KCTD8: variants seen among roughly 807,000 people sequenced by gnomAD.
KCTD8 encodes the protein potassium channel tetramerization domain containing 8.
Under a neutral mutation model 31.5 loss-of-function variants are expected in KCTD8, and 27 were observed. That is an observed-to-expected ratio of 0.86 (90% CI 0.63 to 1.18). The LOEUF (loss-of-function observed/expected upper bound fraction) is 1.18, where lower values mean the gene tolerates loss of function less well. Ranked by LOEUF, KCTD8 falls within the 50% of genes most tolerant of loss-of-function variation. The pLI, the probability that KCTD8 is intolerant of heterozygous loss-of-function variation, is 0.00. For missense variants in KCTD8, 658 were observed against 647.7 expected, an observed-to-expected ratio of 1.02 and a Z score of -0.17; for synonymous variants, 290 against 280.0, an observed-to-expected ratio of 1.04 and a Z score of -0.36.
At chr4:44,306,771 A>T (rs1717817193) in intron 1 of KCTD8, among the ~76,000 whole-genome samples, 1 of 152,012 alleles carries the variant, frequency 6.6e-6, no homozygotes, top group African/African-American at 2.4e-5. Flanking sequence ...AAATTTTATT[A>T]AATTTGTAAG....
intron 1 of KCTD8, among the ~76,000 whole-genome samples, chr4:44,392,790 C>T (rs994239689): frequency 6.6e-6 from 1 of 151,934 alleles, no homozygotes; most frequent in Non-Finnish European, 1.5e-5. Flanking sequence ...ACGCAGAGAA[C>T]AGTCTAGCTT....
chr4:44,329,184 AAAC>A (rs941647472), intron 1 of KCTD8, among the ~76,000 whole-genome samples: 23 of 151,818 alleles, frequency 1.5e-4, no homozygotes, highest in African/African-American at 5.6e-4. Flanking sequence ...TTACGATAAA[AAAC>A]AACCTCGCTG....
chr4:44,297,158 A>AG (rs1373686691), intron 1 of KCTD8, among the ~76,000 whole-genome samples: 1 of 152,150 alleles, frequency 6.6e-6, no homozygotes, highest in African/African-American at 2.4e-5. Flanking sequence ...CAAAATACTA[A>AG]GTTAAAAAAA....
chr4:44,309,206 T>C (rs1271895128), intron 1 of KCTD8, among the ~76,000 whole-genome samples: 2 of 151,974 alleles, frequency 1.3e-5, no homozygotes, highest in East Asian at 3.9e-4. Flanking sequence ...TGGCTAATTT[T>C]TGTATTTTTT....
intron 1 of KCTD8, among the ~76,000 whole-genome samples, chr4:44,270,747 C>T (rs780017922): frequency 5.1e-4 from 77 of 151,984 alleles, no homozygotes; most frequent in Non-Finnish European, 9.4e-4. Flanking sequence ...CTTTACTTTA[C>T]GAAATGTATT....
At chr4:44,297,146 T>C (rs528103891) in intron 1 of KCTD8, among the ~76,000 whole-genome samples, 34 of 152,114 alleles carry the variant, frequency 2.2e-4, no homozygotes, top group African/African-American at 7.9e-4. Flanking sequence ...CTGCCACCAC[T>C]GCAAAATACT....
At chr4:44,334,837 G>C (rs978932013) in intron 1 of KCTD8, among the ~76,000 whole-genome samples, 1 of 152,060 alleles carries the variant, frequency 6.6e-6, no homozygotes, top group Non-Finnish European at 1.5e-5. Flanking sequence ...TTGAAAGTTT[G>C]CTCAATTGCT....
intron 1 of KCTD8, among the ~76,000 whole-genome samples, chr4:44,183,556 G>A (rs1348288935): frequency 6.6e-6 from 1 of 152,076 alleles, no homozygotes; most frequent in Non-Finnish European, 1.5e-5. Context: ...TAGAAAAGTG[G>A]AAAAGATAGC....
chr4:44,223,832 T>A lies in KCTD8; in HGVS notation c.962-48582A>T, dbSNP rs530066161. Among the ~76,000 whole-genome samples the A allele has an allele frequency of 2.0e-3, 311 of 152,338 alleles. 3 individuals are homozygous for A. Among genetic ancestry groups the A allele is most frequent in the African/African-American group, 7.2e-3 (300 of 41,584 alleles). On this transcript the variant is annotated intron_variant, in intron 1 of 1. Coordinates refer to ENST00000360029, the MANE Select transcript of KCTD8 (RefSeq NM_198353.3). ...GCCACCCATTTTTATAAAGTTTTAT[T>A]GGAACACGGTCATGTTTATTTAATT...
intron 1 of KCTD8, among the ~76,000 whole-genome samples, chr4:44,352,046 G>T (rs1470500526): frequency 6.6e-6 from 1 of 151,928 alleles, no homozygotes; most frequent in Non-Finnish European, 1.5e-5. Flanking sequence ...CTTCTTACCT[G>T]GCCACTACTG....
At chr4:44,364,084 T>C (rs1295169023) in intron 1 of KCTD8, among the ~76,000 whole-genome samples, 1 of 152,060 alleles carries the variant, frequency 6.6e-6, no homozygotes, top group East Asian at 1.9e-4. Flanking sequence ...AGAAAAACTT[T>C]ATCAAAATCA....
chr4:44,404,194 A>C (rs939262088), intron 1 of KCTD8, among the ~76,000 whole-genome samples: 1 of 152,224 alleles, frequency 6.6e-6, no homozygotes, highest in African/African-American at 2.4e-5. Context: ...GTATTTTGAA[A>C]AGAAATAGTC....
chr4:44,396,241 A>G (rs1720501545), intron 1 of KCTD8, among the ~76,000 whole-genome samples: 1 of 152,142 alleles, frequency 6.6e-6, no homozygotes, highest in Non-Finnish European at 1.5e-5. Flanking sequence ...GACAGGAGGC[A>G]GAGCTCAGGC....
At chr4:44,282,953 T>C (rs1716940347) in intron 1 of KCTD8, among the ~76,000 whole-genome samples, 1 of 151,944 alleles carries the variant, frequency 6.6e-6, no homozygotes. Context: ...AATGCTAACG[T>C]AGAAGCTGCA....
At chr4:44,244,773 G>A (rs1715602896) in intron 1 of KCTD8, among the ~76,000 whole-genome samples, 1 of 148,838 alleles carries the variant, frequency 6.7e-6, no homozygotes, top group Non-Finnish European at 1.5e-5. Context: ...TCCTTGCTTG[G>A]TTTCCTCACC....
chr4:44,221,280 T>G (rs1160699752), intron 1 of KCTD8, among the ~76,000 whole-genome samples: 1 of 152,100 alleles, frequency 6.6e-6, no homozygotes, highest in African/African-American at 2.4e-5. Flanking sequence ...TATTTCTTGT[T>G]CCATTGAGCT....
At chr4:44,244,847 TGGG>T (rs58257678) in intron 1 of KCTD8, among the ~76,000 whole-genome samples, 2,549 of 132,736 alleles carry the variant, frequency 0.019, 71 homozygotes, top group African/African-American at 0.044. Context: ...CCTGTAGTTG[TGGG>T]GGGGGGGGGG....
intron 1 of KCTD8, among the ~76,000 whole-genome samples, chr4:44,234,131 A>T (rs918881426): frequency 6.6e-6 from 1 of 152,142 alleles, no homozygotes; most frequent in Non-Finnish European, 1.5e-5. Flanking sequence ...CCCTGCAGAG[A>T]GTTACTCTTA....
chr4:44,363,471 A>G (rs1341666346), intron 1 of KCTD8, among the ~76,000 whole-genome samples: 1 of 152,144 alleles, frequency 6.6e-6, no homozygotes, highest in Admixed American at 6.6e-5. Flanking sequence ...CAAGCCAACA[A>G]AGACAAGGAT....
Sources: gnomAD v4.1 joint callset for allele counts (sites outside exome capture counted in the v4.1 genomes callset) on GRCh38, gnomAD v4.1.1 for gene constraint, MANE v1.5 for transcripts, NCBI Gene and HGNC (gene_info 2026-07-23, HGNC 2026-07-21) for gene names.